NEMP2: variants seen among roughly 807,000 people sequenced by gnomAD.
NEMP2 encodes nuclear envelope integral membrane protein 2.
In NEMP2, 53 loss-of-function variants were observed where a neutral mutation model predicts 54.2. That is an observed-to-expected ratio of 0.98 (90% CI 0.78 to 1.23). NEMP2 has a LOEUF of 1.23. Ranked by LOEUF, NEMP2 falls within the 50% of genes most tolerant of loss-of-function variation. The pLI is 0.00. For missense variants in NEMP2, 455 were observed against 511.3 expected, an observed-to-expected ratio of 0.89 and a Z score of 1.06; for synonymous variants, 197 against 190.3, an observed-to-expected ratio of 1.04 and a Z score of -0.29.
upstream of NEMP2, chr2:190,534,786 C>T (rs2125362029): frequency 1.6e-6 from 1 of 626,386 alleles, no homozygotes. Flanking sequence ...GGCGGAGACC[C>T]CGCCTCCCCG....
At position 190,530,834 on chromosome 2, in the gene NEMP2, C is replaced by T. The variant is rs74504670; in HGVS notation, c.97+3725G>A. ...GCTGGTTAATTCTACTAGGATAGAA[C>T]CTCCGGTAGCAGATGTAGGCAAACT... On this transcript the variant is annotated intron_variant, in intron 1 of 8. Coordinates refer to ENST00000409150, the MANE Select transcript of NEMP2 (RefSeq NM_001142645.2). The surrounding 1 kb of genome is among the most constrained non-coding windows in gnomAD (Gnocchi z 4.6). 9.9e-3 allele frequency among the ~76,000 whole-genome samples: 1,509 copies of T among 152,276 alleles called. 68 individuals are homozygous for T. Among genetic ancestry groups the T allele is most frequent in the Admixed American group, 0.078 (1,200 of 15,296 alleles).
the NEMP2 span, among the ~76,000 whole-genome samples, chr2:190,586,088 A>G: frequency 6.6e-6 from 1 of 152,138 alleles, no homozygotes; most frequent in Non-Finnish European, 1.5e-5. This position sits in a 1 kb window ranked among gnomAD's most constrained non-coding sequence, Gnocchi z 4.5. Flanking sequence ...AACTGTACCA[A>G]CTGCCACCTA....
At chr2:190,616,729 T>C in the NEMP2 span, 1 of 152,202 alleles carries the variant, frequency 6.6e-6, no homozygotes, top group Non-Finnish European at 1.5e-5. The surrounding 1 kb of genome is among the most constrained non-coding windows in gnomAD (Gnocchi z 5.1). Context: ...AAGACTTGTT[T>C]CTCATAAAAA....
At chr2:190,599,035 A>G in the NEMP2 span, among the ~76,000 whole-genome samples, 1 of 152,190 alleles carries the variant, frequency 6.6e-6, no homozygotes, top group African/African-American at 2.4e-5. Flanking sequence ...AACAAGGAGT[A>G]TGGGCCAGGA....
upstream of NEMP2, among the ~76,000 whole-genome samples, chr2:190,536,957 C>A (rs942826043): frequency 6.6e-6 from 1 of 152,090 alleles, no homozygotes; most frequent in Non-Finnish European, 1.5e-5. Context: ...TTACTATTCT[C>A]CTACATGTGA....
chr2:190,601,639 T>G, the NEMP2 span, among the ~76,000 whole-genome samples: 2 of 152,218 alleles, frequency 1.3e-5, no homozygotes, highest in Non-Finnish European at 2.9e-5. This position sits in a 1 kb window ranked among gnomAD's most constrained non-coding sequence, Gnocchi z 5.8. Flanking sequence ...CTGAAACTAC[T>G]TGTTATGATA....
chr2:190,459,488 G>GT, the NEMP2 span, among the ~76,000 whole-genome samples: 1 of 152,000 alleles, frequency 6.6e-6, no homozygotes, highest in Admixed American at 6.6e-5. The surrounding 1 kb of genome is among the most constrained non-coding windows in gnomAD (Gnocchi z 5.3). Flanking sequence ...GTGTGTGTGT[G>GT]AATATGTTCA....
chr2:190,438,359 T>C, the NEMP2 span, among the ~76,000 whole-genome samples: 1 of 152,046 alleles, frequency 6.6e-6, no homozygotes, highest in Non-Finnish European at 1.5e-5. This position sits in a 1 kb window ranked among gnomAD's most constrained non-coding sequence, Gnocchi z 5.2. Context: ...CTACTAAAAA[T>C]ACAAAAGTTA....
chr2:190,588,233 A>G, the NEMP2 span, among the ~76,000 whole-genome samples: 1 of 152,190 alleles, frequency 6.6e-6, no homozygotes, highest in Non-Finnish European at 1.5e-5. The surrounding 1 kb of genome is among the most constrained non-coding windows in gnomAD (Gnocchi z 5.0). Context: ...TTCCTGAAAA[A>G]GAAAAACTCC....
At chr2:190,524,480 C>T (rs543767751) in intron 2 of NEMP2, among the ~76,000 whole-genome samples, 2 of 152,118 alleles carry the variant, frequency 1.3e-5, no homozygotes, top group South Asian at 4.1e-4. Flanking sequence ...CAATTGACAT[C>T]AAATGCTTGC....
At chr2:190,586,345 G>A in the NEMP2 span, among the ~76,000 whole-genome samples, 1 of 150,942 alleles carries the variant, frequency 6.6e-6, no homozygotes, top group Non-Finnish European at 1.5e-5. The surrounding 1 kb of genome is among the most constrained non-coding windows in gnomAD (Gnocchi z 4.5). Context: ...TTTGTTTTTT[G>A]TTTATATATA....
chr2:190,612,152 C>CT, the NEMP2 span, among the ~76,000 whole-genome samples: 3,047 of 115,788 alleles, frequency 0.026, 157 homozygotes, highest in African/African-American at 0.075. Context: ...AAACATCCCT[C>CT]TTTTTTTTTT....
the NEMP2 span, among the ~76,000 whole-genome samples, chr2:190,578,789 C>T: frequency 5.3e-5 from 8 of 151,304 alleles, no homozygotes; most frequent in Non-Finnish European, 7.4e-5. This position sits in a 1 kb window ranked among gnomAD's most constrained non-coding sequence, Gnocchi z 4.4. Context: ...AAAAAAAAAG[C>T]GGAGGGAGGG....
the NEMP2 span, among the ~76,000 whole-genome samples, chr2:190,482,018 A>C: frequency 6.6e-6 from 1 of 151,740 alleles, no homozygotes; most frequent in Non-Finnish European, 1.5e-5. Flanking sequence ...AGGTATGACC[A>C]TGTGGTTAAT....
chr2:190,493,388 C>G, the NEMP2 span, among the ~76,000 whole-genome samples: 51 of 152,236 alleles, frequency 3.4e-4, no homozygotes, highest in Non-Finnish European at 5.9e-4. Flanking sequence ...ATAAAACAAT[C>G]ACTACCAGAC....
chr2:190,622,324 C>T, the NEMP2 span, among the ~76,000 whole-genome samples: 4 of 150,154 alleles, frequency 2.7e-5, no homozygotes, highest in African/African-American at 7.4e-5. Flanking sequence ...GGGAGGATCT[C>T]CTGAGCCCAG....
the NEMP2 span, among the ~76,000 whole-genome samples, chr2:190,600,601 G>A: frequency 1.5e-4 from 23 of 152,196 alleles, no homozygotes; most frequent in African/African-American, 5.3e-4. This position sits in a 1 kb window ranked among gnomAD's most constrained non-coding sequence, Gnocchi z 4.9. Flanking sequence ...GGTTGTTAAA[G>A]AGAGTCTGGC....
the NEMP2 span, among the ~76,000 whole-genome samples, chr2:190,425,034 A>G: frequency 6.6e-6 from 1 of 152,198 alleles, no homozygotes; most frequent in Non-Finnish European, 1.5e-5. The surrounding 1 kb of genome is among the most constrained non-coding windows in gnomAD (Gnocchi z 4.3). Flanking sequence ...TTCTTTCATC[A>G]GCATTTTATG....
At chr2:190,543,428 A>T in the NEMP2 span, among the ~76,000 whole-genome samples, 2 of 152,148 alleles carry the variant, frequency 1.3e-5, no homozygotes, top group African/African-American at 4.8e-5. This position sits in a 1 kb window ranked among gnomAD's most constrained non-coding sequence, Gnocchi z 4.7. Context: ...GAAAAGTGAG[A>T]TTGAGGTGGA....
Sources: gnomAD v4.1 joint callset for allele counts (sites outside exome capture counted in the v4.1 genomes callset) on GRCh38, gnomAD v4.1.1 for gene constraint, Gnocchi (gnomAD v3.1) non-coding constraint, MANE v1.5 for transcripts, NCBI Gene and HGNC (gene_info 2026-07-23, HGNC 2026-07-21) for gene names.